CDON: variants seen among roughly 807,000 people sequenced by gnomAD.
The protein encoded by CDON is cell adhesion associated, oncogene regulated, also known as cell adhesion molecule-related/down-regulated by oncogenes.
In CDON, 73 loss-of-function variants were observed where a neutral mutation model predicts 120.9. That is an observed-to-expected ratio of 0.60 (90% CI 0.50 to 0.73). The LOEUF (loss-of-function observed/expected upper bound fraction) is 0.73. Ranked by LOEUF, CDON falls within the 30% of genes least tolerant of loss-of-function variation. CDON has a pLI of 0.00. For missense variants in CDON, 1,470 were observed against 1,587.3 expected (o/e 0.93, Z 1.26); for synonymous variants, 566 against 573.5 (o/e 0.99, Z 0.19).
chr11:125,999,502 C>G (rs569205036), intron 11 of CDON, among the ~76,000 whole-genome samples: 5 of 152,282 alleles, frequency 3.3e-5, no homozygotes, highest in African/African-American at 4.8e-5. Flanking sequence ...ATCTGTTCCT[C>G]ATTAGGTTGT....
rs879891676 is a variant in CDON at position 125,958,656 on chromosome 11, AAAG to A, written c.*2283_*2285del. 4 of 151,960 alleles carry A rather than the reference AAAG, an allele frequency of 2.6e-5. No individual in the cohort carries two copies. The highest frequency in any genetic ancestry group is 6.6e-5 in the Admixed American group (1 of 15,168). The allele number at this position is 151,960 out of a possible 1,614,324, so 9.4% of individuals were successfully genotyped here. ...ATTTTTTATAAATAAAATACAATAA[AAAG>A]AATAACACTTAAAACAGCGTTACTA... On this transcript the variant is annotated 3_prime_UTR_variant, in exon 20 of 20. Transcript: ENST00000531738.
In CDON at chr11:125,989,692, G is replaced by A. The variant is rs1472044115; in HGVS notation, c.2718C>T (p.Cys906=). 1 of 1,612,410 alleles carries A rather than the reference G, an allele frequency of 6.2e-7. No homozygotes were observed. Among genetic ancestry groups the A allele is most frequent in the South Asian group, 1.1e-5 (1 of 91,040 alleles). The change falls in exon 15 of 20, where the codon TGC becomes TGT. Residue 906 remains cysteine, a synonymous_variant. Transcript: ENST00000531738. The stretch of plus-strand genomic sequence containing the variant: ...ATTCACTTTCTCCTCCTTCATTGAA[G>A]CATTGCATTTTAATGTCATAGGAGG... ...PETSYDIKMQ[C]FNEGGESEFS...
intron 18 of CDON, among the ~76,000 whole-genome samples, chr11:125,968,128 G>T (rs921230856): frequency 2.0e-5 from 3 of 152,154 alleles, no homozygotes; most frequent in African/African-American, 7.2e-5. Flanking sequence ...ACACATATTT[G>T]CCAGAATTTG....
chr11:125,994,905 G>A lies in CDON; in HGVS notation c.2510C>T (p.Ala837Val), dbSNP rs754891752. The change falls in exon 13 of 20, where the codon GCT (alanine) becomes GTT (valine). Residue 837 changes from alanine (A) to valine (V), a missense_variant. Transcript: ENST00000531738. Reference sequence around the variant, plus strand: ...TAGCATGATCTGAGTATCGCTGACAGCCTCTGTGTATGCAATGTGAGGTCC... The same window carrying A: ...TAGCATGATCTGAGTATCGCTGACAACCTCTGTGTATGCAATGTGAGGTCC... ...ITGPHIAYTE[A>V]VSDTQIMLKW... The A allele has an allele frequency of 6.2e-7, 1 of 1,614,070 alleles. No homozygotes were observed. The highest frequency in any genetic ancestry group is 2.2e-5 in the East Asian group (1 of 44,848).
In CDON at chr11:125,994,099, C is replaced by A. The variant is rs111779602; in HGVS notation, c.2650+185G>T. Among the ~76,000 whole-genome samples the A allele has an allele frequency of 0.034, 5,226 of 152,234 alleles. 148 individuals carry two copies. Among genetic ancestry groups the A allele is most frequent in the African/African-American group, 0.072 (2,973 of 41,526 alleles). ...AAATGTTTGTACAAGTTTCTGCAACCAGAATATAAGGTGCTGCATATATTA... is the reference window on the plus strand; with the variant it reads ...AAATGTTTGTACAAGTTTCTGCAACAAGAATATAAGGTGCTGCATATATTA... On this transcript the variant is annotated intron_variant, in intron 14 of 19. Coordinates refer to ENST00000531738, the MANE Select transcript of CDON (RefSeq NM_001378964.1).
chr11:126,004,081 C>A lies in CDON; in HGVS notation c.1852-5G>T. 1 of 1,613,486 alleles carries A rather than the reference C, an allele frequency of 6.2e-7. No homozygotes were observed. The highest frequency in any genetic ancestry group is 8.5e-7 in the Non-Finnish European group (1 of 1,179,906). The stretch of plus-strand genomic sequence containing the variant: ...CATGCCAACCCCATCATCCAGCTGC[C>A]CAAGAGAAAACACACCAGAAAAGAA... On this transcript the variant is annotated splice_polypyrimidine_tract_variant and splice_region_variant and intron_variant, in intron 9 of 19. Coordinates refer to ENST00000531738, the MANE Select transcript of CDON (RefSeq NM_001378964.1).
chr11:125,971,225 CAT>C (rs762918992), intron 18 of CDON, among the ~76,000 whole-genome samples: 115 of 151,970 alleles, frequency 7.6e-4, no homozygotes, highest in Non-Finnish European at 4.9e-4. Context: ...CTACTAAAAA[CAT>C]AAAAAATTAG....
chr11:125,969,445 A>G (rs1216951951), intron 18 of CDON, among the ~76,000 whole-genome samples: 1 of 152,282 alleles, frequency 6.6e-6, no homozygotes, highest in Non-Finnish European at 1.5e-5. Context: ...CTGCAAACAT[A>G]TGACATTCAA....
intron 1 of CDON, among the ~76,000 whole-genome samples, chr11:126,040,811 T>C (rs1384510563): frequency 2.2e-5 from 1 of 46,354 alleles, no homozygotes; most frequent in African/African-American, 9.9e-5. Flanking sequence ...AAAGACTCCG[T>C]CTCAAAAAAA....
intron 17 of CDON, among the ~76,000 whole-genome samples, chr11:125,980,447 T>C (rs1230462333): frequency 1.3e-5 from 2 of 152,210 alleles, no homozygotes. Context: ...CCTGCAGAGA[T>C]GTTTGGCATG....
chr11:126,015,551 T>C (rs563589610), intron 6 of CDON, 41 bp from the exon 7 acceptor site: 3 of 1,600,796 alleles, frequency 1.9e-6, no homozygotes, highest in South Asian at 1.1e-5. Context: ...GCCCTCAAAA[T>C]GTACTTCTTA....
intron 1 of CDON, among the ~76,000 whole-genome samples, chr11:126,059,223 G>A (rs1247816224): frequency 2.0e-5 from 3 of 152,182 alleles, no homozygotes; most frequent in Non-Finnish European, 4.4e-5. Flanking sequence ...ATCATTCAAA[G>A]AAAACTTACC....
intron 15 of CDON, among the ~76,000 whole-genome samples, chr11:125,986,370 T>G (rs977154055): frequency 5.3e-5 from 8 of 152,044 alleles, no homozygotes; most frequent in African/African-American, 1.9e-4. Context: ...ACACGGCACA[T>G]GTATATGTAT....
At chr11:125,984,554 G>A (rs958531732) in intron 15 of CDON, among the ~76,000 whole-genome samples, 7 of 152,094 alleles carry the variant, frequency 4.6e-5, no homozygotes, top group African/African-American at 1.7e-4. Context: ...AAAATTAGCT[G>A]GGCGTGGCGG....
intron 18 of CDON, among the ~76,000 whole-genome samples, chr11:125,973,454 C>T (rs1046573935): frequency 3.8e-4 from 58 of 152,290 alleles, no homozygotes; most frequent in African/African-American, 1.3e-3. Flanking sequence ...TTGCTTGAAC[C>T]CGGGAGGTGG....
At position 126,010,438 on chromosome 11, in the gene CDON, G is replaced by A. The variant is rs1248984208; in HGVS notation, c.1455C>T (p.Leu485=). ...FVLSQAGASS[L]HIQAVTQEHA... ...GTTCCTGAGTCACAGCCTGAATATGGAGAGAGCTTGCACCAGCTTGGGACA... is the reference window on the plus strand; with the variant it reads ...GTTCCTGAGTCACAGCCTGAATATGAAGAGAGCTTGCACCAGCTTGGGACA... Residue 485 remains leucine, a synonymous_variant, in exon 8 of 20, where the codon CTC becomes CTT. Transcript: ENST00000531738. 3 of 1,613,998 alleles carry A rather than the reference G, an allele frequency of 1.9e-6. No individual in the cohort carries two copies. The highest frequency in any genetic ancestry group is 2.5e-6 in the Non-Finnish European group (3 of 1,179,992).
chr11:125,962,527 AT>A (rs1387235521), intron 18 of CDON, among the ~76,000 whole-genome samples: 4 of 152,234 alleles, frequency 2.6e-5, no homozygotes, highest in African/African-American at 9.6e-5. Context: ...AAATCTAGGA[AT>A]TTTTAATTTT....
chr11:126,027,256 G>C (rs1213517913), intron 1 of CDON, among the ~76,000 whole-genome samples: 1 of 152,172 alleles, frequency 6.6e-6, no homozygotes, highest in Non-Finnish European at 1.5e-5. Context: ...GAGTTGGGTA[G>C]CTCGACATTA....
chr11:125,956,921 T>C lies in CDON; in HGVS notation c.*4021A>G, dbSNP rs564524506. 7.8e-5 allele frequency: 73 copies of C among 932,450 alleles called. 1 individual carries two copies. The African/African-American group carries it at 1.1e-3, about 14-fold the overall frequency. The allele number at this position is 932,450 out of a possible 1,614,324, so 57.8% of individuals were successfully genotyped here. ...GGTTTAAGGAAGGCTTATTTAAATA[T>C]GGGAAATAAAATACAAAAGGGCCAC... On this transcript the variant is annotated 3_prime_UTR_variant, in exon 20 of 20. Transcript: ENST00000531738.
Sources: allele counts gnomAD v4.1 joint callset (sites outside exome capture counted in the v4.1 genomes callset), GRCh38; gene constraint gnomAD v4.1.1; transcripts MANE v1.5; gene names NCBI Gene and HGNC (gene_info 2026-07-23, HGNC 2026-07-21).